The following DNAH10 variants were observed in gnomAD, a reference collection of about 807,000 sequenced individuals.
The protein encoded by DNAH10 is axonemal beta dynein heavy chain 10.
A neutral mutation model predicts 506.6 loss-of-function variants in DNAH10; 348 were observed. That is an observed-to-expected ratio of 0.69 (90% confidence interval 0.63 to 0.75). The LOEUF (loss-of-function observed/expected upper bound fraction) is 0.75, where lower values mean the gene tolerates loss of function less well. Ranked by LOEUF, DNAH10 falls within the 30% of genes least tolerant of loss-of-function variation. The pLI, the probability that DNAH10 is intolerant of heterozygous loss-of-function variation, is 0.00. For synonymous variants in DNAH10, 2,059 were observed against 2,198.6 expected (o/e 0.94, Z 1.78); for missense variants, 5,179 against 5,787.1 (o/e 0.89, Z 3.41).
chr12:123,783,023 C>A (rs994051006), intron 6 of DNAH10, 84 bp from the exon 7 acceptor site: 2 of 1,369,028 alleles, frequency 1.5e-6, no homozygotes, highest in South Asian at 1.3e-5. Flanking sequence ...GCTTGAGAGA[C>A]GACCCAGCCG....
In DNAH10 at chr12:123,873,673, G is replaced by A. The variant is rs552303091; in HGVS notation, c.7901G>A (p.Arg2634His). ...ACTTACGGCCCACCCATGGGAAAAC[G>A]CCTGCTGGTGTTCATGGATGACATG... ...KDTYGPPMGK[R>H]LLVFMDDMNM... Residue 2634 changes from arginine to histidine, a missense_variant, in exon 46 of 79, where the codon CGC (arginine) becomes CAC (histidine). Arg to His is a conservative substitution (Grantham distance 29). This residue lies in a region of DNAH10 where 4,844 missense variants were observed against 5,430.5 expected (regional missense o/e 0.89). Coordinates refer to ENST00000673944, the MANE Select transcript of DNAH10 (RefSeq NM_001372106.1). 1,616 of 1,612,388 alleles carry A rather than the reference G, an allele frequency of 1.0e-3. 25 individuals are homozygous for A. The South Asian group carries it at 0.017, about 17-fold the overall frequency.
In DNAH10 at chr12:123,928,212, G is replaced by C; in HGVS notation, c.12106-175G>C. 1 of 716,502 alleles carries C rather than the reference G, an allele frequency of 1.4e-6. No individual in the cohort carries two copies. The highest frequency in any genetic ancestry group is 2.3e-6 in the Non-Finnish European group (1 of 441,670). The allele number at this position is 716,502 out of a possible 1,614,324, so 44.4% of individuals were successfully genotyped here. On this transcript the variant is annotated intron_variant, in intron 69 of 78. Transcript: ENST00000673944. This position sits in a 1 kb window ranked among gnomAD's most constrained non-coding sequence, Gnocchi z 4.9. ...TCAGTGCACCCACGGGGCCCATGGG[G>C]TTTCTCAAAGATGGTTTATTTGAAG...
Position 123,866,032 on chromosome 12 carries a change from C to T in DNAH10, c.7126C>T (p.Arg2376Ter), listed in dbSNP as rs370961430. The change falls in exon 41 of 79, where the codon CGA becomes TGA. Residue 2376 changes from arginine to a stop codon, truncating the protein, a stop_gained. Transcript: ENST00000673944. LOFTEE classifies it high-confidence loss of function. ...TGTGGATCCTAAAAACTTGAAATAT[C>T]GACCATACTGGAAAAAATGGGTTAA... ...VYVDPKNLKY[R>*]PYWKKWVNQI... 33 of 1,611,062 alleles carry T rather than the reference C, an allele frequency of 2.0e-5. No individual in the cohort carries two copies. Among genetic ancestry groups the T allele is most frequent in the Admixed American group, 1.4e-4 (8 of 59,232 alleles).
At chr12:123,873,252 T>C (rs574735988) in intron 45 of DNAH10, among the ~76,000 whole-genome samples, 57 of 152,228 alleles carry the variant, frequency 3.7e-4, no homozygotes, top group Non-Finnish European at 6.5e-4. Flanking sequence ...GTTGAATGAC[T>C]TTTTGGAAGT....
chr12:123,915,145 C>CCCGGCT, intron 62 of DNAH10, 146 bp downstream of exon 62: 1 of 1,147,168 alleles, frequency 8.7e-7, no homozygotes, highest in Non-Finnish European at 1.2e-6. Context: ...GGAGCCCTCC[C>CCCGGCT]CCGGCTCCGC....
rs766040740 is a variant in DNAH10 at position 123,861,055 on chromosome 12, G to A, written c.6793G>A (p.Val2265Met). ...GTTGTACATCCTGAACCCCAAAGCC[G>A]TGAGTGTCATAGAACTCTACGGCAT... Reference protein sequence around the residue: ...TKLYILNPKAVSVIELYGILD... With the variant: ...TKLYILNPKAMSVIELYGILD... The change falls in exon 39 of 79, where the codon GTG becomes ATG. Residue 2265 changes from valine to methionine, a missense_variant. Physicochemically the swap from Val to Met is conservative, Grantham distance 21. Around this residue, in one of 3 missense-constraint regions of DNAH10, gnomAD observed 4,844 missense variants for 5,430.5 expected, o/e 0.89. Coordinates refer to ENST00000673944, the MANE Select transcript of DNAH10 (RefSeq NM_001372106.1). The A allele has an allele frequency of 4.2e-5, 67 of 1,613,810 alleles. No individual in the cohort carries two copies. Among genetic ancestry groups the A allele is most frequent in the Middle Eastern group, 3.3e-4 (2 of 6,084 alleles).
rs1957865713 is a variant in DNAH10, at chr12:123,786,675, G to GGAGATATATATTT, written c.1421+739_1421+740insGAGATATATATTT. On this transcript the variant is annotated intron_variant, in intron 9 of 78. Transcript: ENST00000673944. Reference sequence around the variant, plus strand: ...TATTTTGTTTCAGATACATATATGTGTGTGTGCACACACATATATCTACAT... The same window carrying GGAGATATATATTT: ...TATTTTGTTTCAGATACATATATGTGGAGATATATATTTTGTGTGCACACACATATATCTACAT... Among the ~76,000 whole-genome samples the GGAGATATATATTT allele has an allele frequency of 0.019, 8 of 430 alleles. No individual in the cohort carries two copies. In the South Asian group the frequency reaches 0.29, roughly 15 times the overall value. 0.3% of individuals were successfully genotyped at this position (430 alleles called of 152,430 possible). A position where few individuals can be genotyped will look rare whatever the true frequency, so the allele number is the denominator to read the frequency against.
chr12:123,796,540 A>C (rs1020950632), intron 12 of DNAH10, 116 bp from the exon 13 acceptor site: 115 of 864,236 alleles, frequency 1.3e-4, no homozygotes, highest in Non-Finnish European at 1.9e-4. Flanking sequence ...ACTATTCTGC[A>C]TCTTAGAATA....
At chr12:123,833,987 CT>C (rs1960857189) in intron 27 of DNAH10, among the ~76,000 whole-genome samples, 1 of 152,068 alleles carries the variant, frequency 6.6e-6, no homozygotes, top group Non-Finnish European at 1.5e-5. Context: ...GTGCAGTTGC[CT>C]TTTTTTCCTC....
chr12:123,920,975 G>A (rs886970337), intron 65 of DNAH10, among the ~76,000 whole-genome samples: 26 of 152,106 alleles, frequency 1.7e-4, no homozygotes, highest in African/African-American at 6.3e-4. Context: ...GTCTCGCCAT[G>A]TTGCCCAGGC....
chr12:123,799,032 G>T (rs1272013270), intron 13 of DNAH10, among the ~76,000 whole-genome samples: 2 of 147,684 alleles, frequency 1.4e-5, no homozygotes, highest in Non-Finnish European at 3.0e-5. Context: ...TTGAGCCCGG[G>T]AGGCGAAGGA....
chr12:123,875,552 C>T, intron 47 of DNAH10, 61 bp downstream of exon 47: 1 of 1,599,264 alleles, frequency 6.3e-7, no homozygotes, highest in Non-Finnish European at 8.5e-7. Context: ...GAAACATACA[C>T]AGGGCTGACT....
intron 59 of DNAH10, among the ~76,000 whole-genome samples, chr12:123,912,735 G>C (rs1253678738): frequency 2.0e-5 from 3 of 152,184 alleles, no homozygotes; most frequent in Non-Finnish European, 2.9e-5. Context: ...GTGACCTTGC[G>C]CTATAGCTCG....
At chr12:123,900,357 C>T (rs148216971) in intron 56 of DNAH10, among the ~76,000 whole-genome samples, 217 of 152,310 alleles carry the variant, frequency 1.4e-3, no homozygotes, top group Non-Finnish European at 2.3e-3. Context: ...CAGATACTGA[C>T]TTCAGCTTCA....
At chr12:123,842,092 C>T (rs546483270) in intron 30 of DNAH10, among the ~76,000 whole-genome samples, 2 of 152,324 alleles carry the variant, frequency 1.3e-5, no homozygotes, top group East Asian at 1.9e-4. Context: ...CACAGGGCCC[C>T]TGGGATTGTT....
At position 123,934,749 on chromosome 12, in the gene DNAH10, C is replaced by T. The variant is rs759538174; in HGVS notation, c.13606C>T (p.His4536Tyr). ...CCTGAAGATCATCCCCATTGAAGCC[C>T]ATCGCCTCAAGCTGCAGGTGAAGGT... ...PILKIIPIEA[H>Y]RLKLQNTFRT... is the part of the protein sequence containing the mutation. Residue 4536 changes from histidine (H) to tyrosine (Y), a missense_variant, in exon 78 of 79, where the codon CAT (histidine) becomes TAT (tyrosine). Physicochemically the swap from His to Tyr is moderately conservative, Grantham distance 83. Coordinates refer to ENST00000673944, the MANE Select transcript of DNAH10 (RefSeq NM_001372106.1). 1 of 1,613,710 alleles carries T rather than the reference C, an allele frequency of 6.2e-7. No homozygotes were observed. The highest frequency in any genetic ancestry group is 8.5e-7 in the Non-Finnish European group (1 of 1,179,894).
intron 2 of DNAH10, among the ~76,000 whole-genome samples, chr12:123,770,425 C>G (rs1300998930): frequency 6.6e-6 from 1 of 150,384 alleles, no homozygotes; most frequent in African/African-American, 2.5e-5. Context: ...TACTCTAATG[C>G]TGTTAGGGAA....
At chr12:123,893,514 C>T in intron 53 of DNAH10, 78 bp downstream of exon 53, 3 of 1,523,718 alleles carry the variant, frequency 2.0e-6, no homozygotes, top group Admixed American at 1.7e-5. Flanking sequence ...CACACCTCTC[C>T]AGGTTCCCCC....
intron 21 of DNAH10, among the ~76,000 whole-genome samples, chr12:123,816,357 G>A (rs1401839938): frequency 1.3e-5 from 2 of 152,170 alleles, no homozygotes; most frequent in Non-Finnish European, 2.9e-5. Context: ...AGAGGGGCTG[G>A]AGATTGGAGA....
Sources: allele counts gnomAD v4.1 joint callset (sites outside exome capture counted in the v4.1 genomes callset), GRCh38; gene constraint gnomAD v4.1.1; regional missense constraint gnomAD v4.1.1; non-coding constraint Gnocchi (gnomAD v3.1); transcripts MANE v1.5; gene names NCBI Gene and HGNC (gene_info 2026-07-23, HGNC 2026-07-21).